PRKN: variants seen among roughly 807,000 people sequenced by gnomAD.
PRKN encodes E3 ubiquitin-protein ligase parkin.
Under a neutral mutation model 59.5 loss-of-function variants are expected in PRKN, and 56 were observed. That is an observed-to-expected ratio of 0.94 (90% CI 0.76 to 1.18). The LOEUF (loss-of-function observed/expected upper bound fraction) is 1.18, where lower values mean the gene tolerates loss of function less well. PRKN is among the 50% of genes most tolerant of loss of function. The pLI, the probability that PRKN is intolerant of heterozygous loss-of-function variation, is 0.00. For synonymous variants in PRKN, 250 were observed against 222.1 expected (o/e 1.13, Z -1.12); for missense variants, 657 against 596.4 (o/e 1.10, Z -1.06).
At chr6:161,381,178 G>T (rs982910198) in intron 10 of PRKN, among the ~76,000 whole-genome samples, 3 of 152,094 alleles carry the variant, frequency 2.0e-5, no homozygotes, top group African/African-American at 7.2e-5. Context: ...CATTTGAGTT[G>T]GCCATCCCTG....
intron 2 of PRKN, among the ~76,000 whole-genome samples, chr6:162,289,750 G>A (rs1781343940): frequency 1.3e-5 from 2 of 152,000 alleles, no homozygotes; most frequent in Admixed American, 6.6e-5. Flanking sequence ...AAAGAGGAAG[G>A]AGAGAGCATC....
chr6:162,112,727 C>T (rs1042429652), intron 4 of PRKN, among the ~76,000 whole-genome samples: 7 of 151,638 alleles, frequency 4.6e-5, no homozygotes, highest in African/African-American at 1.7e-4. Context: ...TCACTTGAGC[C>T]CCGGAGTTCA....
intron 3 of PRKN, among the ~76,000 whole-genome samples, chr6:162,259,098 T>A (rs1779776910): frequency 6.6e-6 from 1 of 152,202 alleles, no homozygotes; most frequent in African/African-American, 2.4e-5. Flanking sequence ...TTTCTTTTAA[T>A]CTCTTTTTCT....
chr6:162,223,639 A>G (rs1355360551), intron 3 of PRKN, among the ~76,000 whole-genome samples: 1 of 102,358 alleles, frequency 9.8e-6, no homozygotes, highest in Non-Finnish European at 1.8e-5. Flanking sequence ...ACACACACAC[A>G]CACACACACA....
intron 1 of PRKN, among the ~76,000 whole-genome samples, chr6:162,725,825 G>C (rs1326011223): frequency 6.6e-6 from 1 of 151,378 alleles, no homozygotes; most frequent in Non-Finnish European, 1.5e-5. Flanking sequence ...AATGCAACTA[G>C]TTGAATATTT....
chr6:162,199,039 CCT>C (rs1784613012), intron 4 of PRKN, among the ~76,000 whole-genome samples: 1 of 151,956 alleles, frequency 6.6e-6, no homozygotes, highest in Non-Finnish European at 1.5e-5. Context: ...ACTGAGTTTC[CCT>C]CTCACCTCTT....
intron 9 of PRKN, among the ~76,000 whole-genome samples, chr6:161,411,725 CTCATTCCTCCACTCAG>C (rs1367452606): frequency 6.6e-6 from 1 of 151,604 alleles, no homozygotes; most frequent in Non-Finnish European, 1.5e-5. Flanking sequence ...TCCTTCCTCA[CTCATTCCTCCACTCAG>C]TCATTCCTCC....
At chr6:161,868,416 T>G (rs1035598840) in intron 6 of PRKN, among the ~76,000 whole-genome samples, 3 of 151,728 alleles carry the variant, frequency 2.0e-5, no homozygotes, top group African/African-American at 7.3e-5. Context: ...CCGTCTCTAC[T>G]AAAAATACAA....
rs1779998092 is a variant in PRKN, at chr6:161,551,118, G to A, written c.934-2115C>T. On this transcript the variant is annotated intron_variant, in intron 8 of 11. Transcript: ENST00000366898. This position sits in a 1 kb window ranked among gnomAD's most constrained non-coding sequence, Gnocchi z 5.2. ...TTCTCTGGACAGTGTCATAAGCTGTGCAATTACCAGAGGATACAATGAAGA... is the reference window on the plus strand; with the variant it reads ...TTCTCTGGACAGTGTCATAAGCTGTACAATTACCAGAGGATACAATGAAGA... Among the ~76,000 whole-genome samples the A allele has an allele frequency of 6.6e-6, 1 of 152,164 alleles. No individual in the cohort carries two copies. Among genetic ancestry groups the A allele is most frequent in the South Asian group, 2.1e-4 (1 of 4,826 alleles).
At chr6:162,690,623 A>G (rs989413182) in intron 1 of PRKN, among the ~76,000 whole-genome samples, 15 of 152,220 alleles carry the variant, frequency 9.9e-5, no homozygotes, top group Admixed American at 5.2e-4. Context: ...ACAGTTCCTG[A>G]TAACAGTAGA....
chr6:162,210,448 C>A (rs938178369), intron 3 of PRKN, among the ~76,000 whole-genome samples: 1 of 152,138 alleles, frequency 6.6e-6, no homozygotes, highest in Non-Finnish European at 1.5e-5. Flanking sequence ...AAGCTGTAGG[C>A]ATTTACCCCT....
intron 2 of PRKN, among the ~76,000 whole-genome samples, chr6:162,311,056 T>C (rs1782490806): frequency 6.6e-6 from 1 of 152,112 alleles, no homozygotes. Context: ...CAGAAAATCA[T>C]AAAGGCTATC....
intron 5 of PRKN, among the ~76,000 whole-genome samples, chr6:162,041,990 A>C (rs916905720): frequency 2.0e-5 from 3 of 152,104 alleles, no homozygotes; most frequent in Non-Finnish European, 4.4e-5. Flanking sequence ...GAAGGCTCTC[A>C]AGCTTCACTC....
intron 7 of PRKN, among the ~76,000 whole-genome samples, chr6:161,724,082 G>T (rs564830227): frequency 6.6e-6 from 1 of 152,298 alleles, no homozygotes; most frequent in South Asian, 2.1e-4. Flanking sequence ...GGGGGAAGTA[G>T]AGCTTCTTGC....
intron 9 of PRKN, among the ~76,000 whole-genome samples, chr6:161,450,710 C>A (rs985627591): frequency 6.6e-6 from 1 of 152,086 alleles, no homozygotes; most frequent in African/African-American, 2.4e-5. Context: ...GTGCCCGCCA[C>A]CACACCCAGC....
At chr6:161,370,405 C>T (rs1785393107) in intron 10 of PRKN, among the ~76,000 whole-genome samples, 1 of 145,182 alleles carries the variant, frequency 6.9e-6, no homozygotes, top group Non-Finnish European at 1.5e-5. Context: ...ACGATGAAAC[C>T]CCATCTCTAC....
At chr6:162,111,884 A>G (rs569973088) in intron 4 of PRKN, among the ~76,000 whole-genome samples, 96 of 152,308 alleles carry the variant, frequency 6.3e-4, no homozygotes, top group African/African-American at 2.2e-3. Context: ...ACAGAATTCT[A>G]CCACCAATTG....
At chr6:162,708,064 C>A (rs1253979772) in intron 1 of PRKN, among the ~76,000 whole-genome samples, 1 of 152,114 alleles carries the variant, frequency 6.6e-6, no homozygotes, top group African/African-American at 2.4e-5. Context: ...GGAAAATAAA[C>A]AAATAATTCA....
At chr6:162,441,609 A>G (rs1401132093) in intron 2 of PRKN, among the ~76,000 whole-genome samples, 2 of 152,216 alleles carry the variant, frequency 1.3e-5, no homozygotes, top group Non-Finnish European at 2.9e-5. Flanking sequence ...GCAATCCCAT[A>G]TGGTTCAATC....
Sources: gnomAD v4.1 joint callset for allele counts (sites outside exome capture counted in the v4.1 genomes callset) on GRCh38, gnomAD v4.1.1 for gene constraint, Gnocchi (gnomAD v3.1) non-coding constraint, MANE v1.5 for transcripts, NCBI Gene and HGNC (gene_info 2026-07-23, HGNC 2026-07-21) for gene names.